The following MICAL3 variants were observed in gnomAD, a reference collection of about 807,000 sequenced individuals.
The protein encoded by MICAL3 is [F-actin]-monooxygenase MICAL3.
MICAL3 carries 62 observed loss-of-function variants against 207.4 expected under a neutral mutation model. That is an observed-to-expected ratio of 0.30 (90% CI 0.24 to 0.37). The LOEUF is 0.37. Among genes scored for constraint, MICAL3 ranks in the 10% least tolerant of loss-of-function variants. The probability of loss-of-function intolerance (pLI) is 1.00; values close to 1 mark genes in which losing one functional copy is unlikely to be tolerated. For missense variants in MICAL3, 2,368 were observed against 2,635.6 expected (o/e 0.90, Z 2.22); for synonymous variants, 1,077 against 1,069.3 (o/e 1.01, Z -0.14).
chr22:17,966,552 G>A (rs898651623), intron 1 of MICAL3, among the ~76,000 whole-genome samples: 3 of 152,178 alleles, frequency 2.0e-5, no homozygotes, highest in African/African-American at 7.2e-5. Context: ...ATCCTCAGGA[G>A]ATGAGGGTAG....
chr22:17,817,418 T>C lies in MICAL3; in HGVS notation c.5243A>G (p.Lys1748Arg), dbSNP rs751534126. ...GTCGGCCTTCTTCTTCTTGTCCTTCTTGTACCCGGAGAAGACGGACTTCCA... is the reference window on the plus strand; with the variant it reads ...GTCGGCCTTCTTCTTCTTGTCCTTCCTGTACCCGGAGAAGACGGACTTCCA... ...SLWKSVFSGY[K>R]KDKKKKADDK... is the part of the protein sequence containing the mutation. The change falls in exon 26 of 32, where the codon AAG becomes AGG. Residue 1748 changes from lysine to arginine, a missense_variant. Lys to Arg is a conservative substitution (Grantham distance 26). Transcript: ENST00000441493. 4.3e-5 allele frequency: 69 copies of C among 1,613,438 alleles called. No homozygotes were observed. Among genetic ancestry groups the C allele is most frequent in the Non-Finnish European group, 5.8e-5 (69 of 1,179,870 alleles).
intron 7 of MICAL3, among the ~76,000 whole-genome samples, chr22:17,898,417 G>T (rs1931037019): frequency 6.6e-6 from 1 of 152,238 alleles, no homozygotes; most frequent in South Asian, 2.1e-4. Context: ...CAGGGTGGCT[G>T]TGCTGAGAAA....
chr22:17,914,364 C>G (rs574581705), intron 1 of MICAL3, among the ~76,000 whole-genome samples: 1 of 152,112 alleles, frequency 6.6e-6, no homozygotes, highest in African/African-American at 2.4e-5. Flanking sequence ...CGTTACTACT[C>G]GGTGCCACAT....
In MICAL3 at chr22:17,875,618, C is replaced by A. The variant is rs779367291; in HGVS notation, c.2242-3595G>T. On this transcript the variant is annotated intron_variant, in intron 16 of 31. Transcript: ENST00000441493. ...AATGTTAAATTAAGTCACACACTGA[C>A]CTCTGAACATAAGATGGTTGTAGAG... 149 of 968,160 alleles carry A rather than the reference C, an allele frequency of 1.5e-4. 2 individuals are homozygous for A. The highest frequency in any genetic ancestry group is 2.1e-4 in the Non-Finnish European group (138 of 653,852). 60.0% of individuals were successfully genotyped at this position (968,160 alleles called of 1,614,324 possible).
chr22:17,849,688 A>ATT lies in MICAL3; in HGVS notation c.2606-7673_2606-7672dup, dbSNP rs57344653. On this transcript the variant is annotated intron_variant, in intron 19 of 31. Coordinates refer to ENST00000441493, the MANE Select transcript of MICAL3 (RefSeq NM_015241.3). Reference sequence around the variant, plus strand: ...TGTGTGTGTGTGTGTGTGTGTGTGTATTTTTTTTTTTTTTTTTTTTTTTTG... The same window carrying ATT: ...TGTGTGTGTGTGTGTGTGTGTGTGTATTTTTTTTTTTTTTTTTTTTTTTTTTG... Among the ~76,000 whole-genome samples, 158 of 36,304 alleles carry ATT rather than the reference A, an allele frequency of 4.4e-3. 20 individuals carry two copies. The highest frequency in any genetic ancestry group is 0.014 in the African/African-American group (122 of 8,798). 23.8% of individuals were successfully genotyped at this position (36,304 alleles called of 152,430 possible). A position where few individuals can be genotyped will look rare whatever the true frequency, so the allele number is the denominator to read the frequency against.
intron 16 of MICAL3, among the ~76,000 whole-genome samples, chr22:17,873,072 C>G (rs914128139): frequency 6.6e-6 from 1 of 152,204 alleles, no homozygotes; most frequent in South Asian, 2.1e-4. Flanking sequence ...CCGGCACAGG[C>G]AGGACGGCTG....
At chr22:17,858,568 C>T (rs1926178239) in intron 19 of MICAL3, 1 of 593,190 alleles carries the variant, frequency 1.7e-6, no homozygotes, top group Admixed American at 6.3e-5. Context: ...CGGCATCATC[C>T]TGCCCTATTT....
chr22:17,890,366 C>T (rs1186414107), intron 12 of MICAL3, among the ~76,000 whole-genome samples: 3 of 152,156 alleles, frequency 2.0e-5, no homozygotes, highest in Non-Finnish European at 2.9e-5. Context: ...CTGCTAGGCT[C>T]CCTCAACCAC....
At position 17,831,912 on chromosome 22, in the gene MICAL3, T is replaced by TTCCTCC. The variant is rs374621205; in HGVS notation, c.2991_2996dup (p.Glu999_Glu1000dup). On this transcript the variant is annotated inframe_insertion, in exon 21 of 32. Coordinates refer to ENST00000441493, the MANE Select transcript of MICAL3 (RefSeq NM_015241.3). ...CCTCCTCCTCCTCCTCTTCATATTC[T>TTCCTCC]TCCTCCTCCTCCTCCTCCTCTTCAT... 6.4e-7 allele frequency: 1 copy of TTCCTCC among 1,557,826 alleles called. No homozygotes were observed. Among genetic ancestry groups the TTCCTCC allele is most frequent in the Non-Finnish European group, 8.7e-7 (1 of 1,150,314 alleles).
At chr22:17,993,251 CTT>C (rs5844343) in intron 1 of MICAL3, among the ~76,000 whole-genome samples, 9 of 150,012 alleles carry the variant, frequency 6.0e-5, no homozygotes, top group East Asian at 5.9e-4. Flanking sequence ...TCCCAGATGG[CTT>C]TTTTTTTTTA....
Position 17,895,366 on chromosome 22 carries a change from A to G in MICAL3, c.1367T>C (p.Val456Ala). ...ACTGTACTGGCTGAAGTTCTTACTC[A>G]CATTCTCAGGGGTGGTCTGAGGCAG... Reference protein sequence around the residue: ...RLLPQTTPENVSKNFSQYSID... With the variant: ...RLLPQTTPENASKNFSQYSID... The change falls in exon 10 of 32, where the codon GTG becomes GCG. Residue 456 changes from valine to alanine, a missense_variant. Physicochemically the swap from Val to Ala is moderately conservative, Grantham distance 64. Transcript: ENST00000441493. 1 of 1,613,756 alleles carries G rather than the reference A, an allele frequency of 6.2e-7. No individual in the cohort carries two copies. The highest frequency in any genetic ancestry group is 1.1e-5 in the South Asian group (1 of 91,010).
intron 19 of MICAL3, chr22:17,863,690 C>T (rs1033650010): frequency 3.0e-6 from 3 of 985,340 alleles, no homozygotes; most frequent in Admixed American, 6.1e-5. Flanking sequence ...TCCCAGGGCA[C>T]ACCGCCTAGC....
At chr22:17,799,632 T>C (rs1429485568) in intron 29 of MICAL3, among the ~76,000 whole-genome samples, 1 of 152,228 alleles carries the variant, frequency 6.6e-6, no homozygotes, top group Non-Finnish European at 1.5e-5. Flanking sequence ...GCCTTGGCAC[T>C]GCAAGGCTGA....
In MICAL3 at chr22:17,817,713, G is replaced by A. The variant is rs1921151414; in HGVS notation, c.4948C>T (p.Pro1650Ser). The A allele has an allele frequency of 1.3e-6, 2 of 1,596,732 alleles. No individual in the cohort carries two copies. Among genetic ancestry groups the A allele is most frequent in the African/African-American group, 1.3e-5 (1 of 74,316 alleles). ...SQGKERRPDS[P>S]TRPTLRGSEE... Reference sequence around the variant, plus strand: ...GAGCCCCTGAGAGTGGGGCGTGTGGGGGAGTCAGGCCGGCGCTCCTTGCCC... The same window carrying A: ...GAGCCCCTGAGAGTGGGGCGTGTGGAGGAGTCAGGCCGGCGCTCCTTGCCC... Residue 1650 changes from proline (P) to serine (S), a missense_variant, in exon 26 of 32, where the codon CCC becomes TCC. Pro to Ser is a moderately conservative substitution (Grantham distance 74). This residue lies in a region of MICAL3 where 1,770 missense variants were observed against 1,863.2 expected (regional missense o/e 0.95). Transcript: ENST00000441493.
rs771951066 is a variant in MICAL3 at position 17,904,797 on chromosome 22, T to C, written c.307A>G (p.Ile103Val). The stretch of plus-strand genomic sequence containing the variant: ...TTGGCCCCCAGTAAGGATAAGTCGA[T>C]GGCTGTACGGAGACCACAGGGGCCA... ...GAGPCGLRTAIDLSLLGAKVV... is the reference protein window; with the variant it reads ...GAGPCGLRTAVDLSLLGAKVV... Residue 103 changes from isoleucine (I) to valine (V), a missense_variant, in exon 3 of 32, where the codon ATC (isoleucine) becomes GTC (valine). Physicochemically the swap from Ile to Val is conservative, Grantham distance 29. Around this residue, in one of 4 missense-constraint regions of MICAL3, gnomAD observed 400 missense variants for 547.0 expected, o/e 0.73. Coordinates refer to ENST00000441493, the MANE Select transcript of MICAL3 (RefSeq NM_015241.3). 2 of 1,614,020 alleles carry C rather than the reference T, an allele frequency of 1.2e-6. No individual in the cohort carries two copies. The highest frequency in any genetic ancestry group is 1.7e-6 in the Non-Finnish European group (2 of 1,179,876).
intron 19 of MICAL3, chr22:17,860,076 C>T (rs975943135): frequency 1.6e-6 from 1 of 629,004 alleles, no homozygotes; most frequent in Non-Finnish European, 2.0e-6. Context: ...GCCTCAAGCT[C>T]ACTCCCAAGA....
intron 17 of MICAL3, 66 bp downstream of exon 17, chr22:17,871,771 C>A: frequency 6.8e-7 from 1 of 1,462,286 alleles, no homozygotes; most frequent in South Asian, 1.3e-5. Context: ...CAAAGGCGCC[C>A]AGCTCAGATG....
At chr22:17,929,300 G>C (rs1350481958) in intron 1 of MICAL3, among the ~76,000 whole-genome samples, 1 of 138,256 alleles carries the variant, frequency 7.2e-6, no homozygotes, top group Non-Finnish European at 1.5e-5. Flanking sequence ...GCAAAGTCTA[G>C]TTCTGTTGCA....
intron 1 of MICAL3, among the ~76,000 whole-genome samples, chr22:17,979,853 C>T (rs1935829389): frequency 6.6e-6 from 1 of 151,838 alleles, no homozygotes; most frequent in Non-Finnish European, 1.5e-5. Flanking sequence ...ATTTTTGACA[C>T]AGGGTCTCAC....
Sources: gnomAD v4.1 joint callset for allele counts (sites outside exome capture counted in the v4.1 genomes callset) on GRCh38, gnomAD v4.1.1 for gene constraint, gnomAD v4.1.1 regional missense constraint, MANE v1.5 for transcripts, NCBI Gene and HGNC (gene_info 2026-07-23, HGNC 2026-07-21) for gene names.